The following NBPF20 variants were observed in gnomAD, a reference collection of about 807,000 sequenced individuals.
NBPF20 encodes the protein NBPF member 20, also known as NBPF family member NBPF20.
Under a neutral mutation model 68.1 loss-of-function variants are expected in NBPF20, and 90 were observed. The observed-to-expected ratio is 1.32, with a 90% CI of 1.11 to 1.58. The LOEUF (loss-of-function observed/expected upper bound fraction) is 1.58. NBPF20 is among the 40% of genes most tolerant of loss of function. The pLI is 0.00. For synonymous variants in NBPF20, 290 were observed against 228.1 expected, an observed-to-expected ratio of 1.27 and a Z score of -2.45; for missense variants, 816 against 601.2, an observed-to-expected ratio of 1.36 and a Z score of -3.74.
At chr1:145,396,556 T>A (rs1662250134) in intron 7 of NBPF20, among the ~76,000 whole-genome samples, 1 of 151,428 alleles carries the variant, frequency 6.6e-6, no homozygotes, top group Admixed American at 6.6e-5. Flanking sequence ...ATTGTCAGAT[T>A]CACCAAGGTT....
In NBPF20 at chr1:145,291,908, A is replaced by G. The variant is rs782621064; in HGVS notation, c.16698-139T>C. ...CATTAATGAGGTAAAAAAAAAATTT[A>G]TTGCCTATATGTTGGGATAGAACAG... On this transcript the variant is annotated intron_variant, in intron 137 of 137. Coordinates refer to ENST00000369373, the Ensembl canonical transcript of NBPF20. 8.5e-4 allele frequency: 1,313 copies of G among 1,545,972 alleles called. 7 individuals are homozygous for G. The highest frequency in any genetic ancestry group is 2.9e-3 in the Middle Eastern group (12 of 4,146).
the NBPF20 span, among the ~76,000 whole-genome samples, chr1:145,419,117 GAGGC>G: frequency 2.4e-5 from 3 of 126,222 alleles, no homozygotes; most frequent in African/African-American, 6.8e-5. Flanking sequence ...GGGAGGGAGG[GAGGC>G]AGGGAGGAAG....
At chr1:145,298,323 G>A in intron 129 of NBPF20, among the ~76,000 whole-genome samples, 189 bp from the exon 135 acceptor site, 1 of 136,042 alleles carries the variant, frequency 7.4e-6, no homozygotes, top group Admixed American at 7.0e-5. Flanking sequence ...GAAAGAGAAA[G>A]ACAGATAGAC....
the NBPF20 span, among the ~76,000 whole-genome samples, chr1:145,417,197 T>A: frequency 1.3e-5 from 2 of 150,660 alleles, no homozygotes; most frequent in African/African-American, 2.4e-5. Flanking sequence ...CATGGAGGTT[T>A]AGAGACAATT....
chr1:145,394,441 A>T (rs1303252417), intron 8 of NBPF20, among the ~76,000 whole-genome samples: 1 of 149,454 alleles, frequency 6.7e-6, no homozygotes, highest in Non-Finnish European at 1.5e-5. Context: ...TCTAGAAAAC[A>T]TACCAGGAAC....
At chr1:145,298,391 G>T (rs1558964517) in intron 129 of NBPF20, among the ~76,000 whole-genome samples, 1 of 143,788 alleles carries the variant, frequency 7.0e-6, no homozygotes, top group African/African-American at 2.9e-5. Flanking sequence ...CACACACAGA[G>T]AGAGAGAACG....
chr1:145,394,723 G>C (rs1662130132), intron 8 of NBPF20, among the ~76,000 whole-genome samples: 1 of 151,896 alleles, frequency 6.6e-6, no homozygotes, highest in African/African-American at 2.4e-5. Flanking sequence ...CACCTGCCTT[G>C]AGTTCAATGT....
At chr1:145,424,070 G>A in the NBPF20 span, among the ~76,000 whole-genome samples, 2 of 145,358 alleles carry the variant, frequency 1.4e-5, no homozygotes, top group Non-Finnish European at 3.0e-5. Flanking sequence ...CAACCTCCTG[G>A]GCTCTGGTGA....
At chr1:145,397,799 A>G (rs1662330583) in intron 7 of NBPF20, among the ~76,000 whole-genome samples, 1 of 152,226 alleles carries the variant, frequency 6.6e-6, no homozygotes, top group African/African-American at 2.4e-5. Context: ...CAAATTGGAT[A>G]AAGAGTCAAG....
At chr1:145,415,232 A>G in the NBPF20 span, among the ~76,000 whole-genome samples, 1 of 151,648 alleles carries the variant, frequency 6.6e-6, no homozygotes, top group African/African-American at 2.4e-5. Context: ...AAAGAGCAGT[A>G]TTGCTGCCAG....
At chr1:145,392,943 C>T in intron 10 of NBPF20, 131 bp downstream of exon 15, 4 of 352,192 alleles carry the variant, frequency 1.1e-5, no homozygotes, top group South Asian at 9.0e-5. Flanking sequence ...TTTCATTCAA[C>T]CTACATGTGC....
At chr1:145,421,915 G>A in the NBPF20 span, among the ~76,000 whole-genome samples, 1 of 151,988 alleles carries the variant, frequency 6.6e-6, no homozygotes, top group Non-Finnish European at 1.5e-5. Flanking sequence ...GTGCATGCCT[G>A]TAGACCCAGC....
rs1662498125 is a variant in NBPF20 at position 145,401,032 on chromosome 1, T to G, written c.566+27A>C. On this transcript the variant is annotated intron_variant, in intron 5 of 137. Transcript: ENST00000369373. ...ATATTCCTCATATGTTACCATCCAT[T>G]AATTGTTCCTGAGTATTCAGTGTTA... 2.0e-5 allele frequency: 31 copies of G among 1,563,704 alleles called. 1 individual carries two copies. In the South Asian group the frequency reaches 3.4e-4, roughly 17 times the overall value.
intron 112 of NBPF20, among the ~76,000 whole-genome samples, chr1:145,311,848 C>A (rs1382241886): frequency 6.4e-5 from 7 of 109,846 alleles, no homozygotes; most frequent in African/African-American, 3.2e-4. Context: ...TCAGATTGTT[C>A]ACGGTAGCGA....
At chr1:145,425,242 G>A in the NBPF20 span, among the ~76,000 whole-genome samples, 1 of 40,728 alleles carries the variant, frequency 2.5e-5, no homozygotes, top group Non-Finnish European at 5.5e-5. Flanking sequence ...CCCCCACCCC[G>A]CCTCGCCCTC....
upstream of NBPF20, among the ~76,000 whole-genome samples, chr1:145,407,511 G>T (rs189000595): frequency 1.4e-5 from 2 of 144,306 alleles, no homozygotes; most frequent in South Asian, 4.3e-4. Context: ...ATATATATAC[G>T]TGTATATACA....
chr1:145,294,448 C>A, intron 134 of NBPF20: 2 of 5,526 alleles, frequency 3.6e-4, no homozygotes, highest in Non-Finnish European at 6.3e-4. Flanking sequence ...GAATTTTAGA[C>A]ACTGAAATTA....
At chr1:145,395,000 G>A in exon 8 of NBPF20, 3 of 1,611,946 alleles carry the variant, frequency 1.9e-6, no homozygotes, top group Non-Finnish European at 2.5e-6. Flanking sequence ...CAGCCATGCA[G>A]ACTTGCTGTT....
exon 74 of NBPF20, chr1:145,342,537 C>T: frequency 7.3e-6 from 1 of 137,468 alleles, no homozygotes. Context: ...GGCTCTACTA[C>T]CTCCAGCAGC....
Sources: gnomAD v4.1 joint callset for allele counts (sites outside exome capture counted in the v4.1 genomes callset) on GRCh38, gnomAD v4.1.1 for gene constraint, MANE v1.5 for transcripts, NCBI Gene and HGNC (gene_info 2026-07-23, HGNC 2026-07-21) for gene names.